Variants in LBP observed in about 807,000 individuals in gnomAD.
LBP encodes the protein lipopolysaccharide binding protein, also known as lipopolysaccharide-binding protein.
A neutral mutation model predicts 56.6 loss-of-function variants in LBP; 53 were observed. The ratio of observed to expected loss-of-function variants is 0.94; its 90% confidence interval spans 0.75 to 1.18. LBP has a LOEUF of 1.18. LBP is among the 50% of genes most tolerant of loss of function. The pLI is 0.00. For missense variants in LBP, 601 were observed against 598.3 expected, an observed-to-expected ratio of 1.00 and a Z score of -0.05; for synonymous variants, 227 against 247.5, an observed-to-expected ratio of 0.92 and a Z score of 0.78.
Position 38,369,089 on chromosome 20 carries a change from A to G in LBP, c.1076A>G (p.Asp359Gly). 1 of 1,613,922 alleles carries G rather than the reference A, an allele frequency of 6.2e-7. No homozygotes were observed. The highest frequency in any genetic ancestry group is 8.5e-7 in the Non-Finnish European group (1 of 1,179,956). Residue 359 changes from aspartate (D) to glycine (G), a missense_variant, in exon 10 of 15, where the codon GAC becomes GGC. Physicochemically the swap from Asp to Gly is moderately conservative, Grantham distance 94. Transcript: ENST00000217407. ...TTCAGCCCTGGGAATCTGTCTGTGG[A>G]CCCCTATATGGAGATAGATGCCTTT... is the stretch of plus-strand genomic sequence containing the variant. Reference protein sequence around the residue: ...LNFSPGNLSVDPYMEIDAFVL... With the variant: ...LNFSPGNLSVGPYMEIDAFVL...
At chr20:38,351,054 G>T in intron 3 of LBP, 115 bp downstream of exon 3, 1 of 1,382,924 alleles carries the variant, frequency 7.2e-7, no homozygotes, top group East Asian at 2.3e-5. Flanking sequence ...GACAGATGGA[G>T]TCCAAGCCCG....
At chr20:38,364,951 A>G (rs1027159683) in intron 8 of LBP, among the ~76,000 whole-genome samples, 199 bp downstream of exon 8, 1 of 152,124 alleles carries the variant, frequency 6.6e-6, no homozygotes, top group Admixed American at 6.6e-5. Context: ...TCTTTCTCCC[A>G]TGGCTGGGTG....
Position 38,373,952 on chromosome 20 carries a change from G to A in LBP, c.1340G>A (p.Gly447Asp), listed in dbSNP as rs901990618. 4 of 1,614,034 alleles carry A rather than the reference G, an allele frequency of 2.5e-6. No homozygotes were observed. The highest frequency in any genetic ancestry group is 2.2e-5 in the South Asian group (2 of 91,080). Residue 447 changes from glycine to aspartate, a missense_variant, in exon 14 of 15, where the codon GGC (glycine) becomes GAC (aspartate). Coordinates refer to ENST00000217407, the MANE Select transcript of LBP (RefSeq NM_004139.5). ...CAACCTCTAGATAAGTTGGCCGAAG[G>A]CTTCCCCCTTCCTCTGCTGAAGCGT... ...YPKFNDKLAE[G>D]FPLPLLKRVQ...
chr20:38,358,638 G>C (rs1443236053), intron 5 of LBP, among the ~76,000 whole-genome samples: 1 of 152,208 alleles, frequency 6.6e-6, no homozygotes, highest in Admixed American at 6.5e-5. Flanking sequence ...GCAAAGAGAG[G>C]TTAAGATACA....
chr20:38,366,962 G>A, intron 9 of LBP, 134 bp downstream of exon 9: 1 of 796,036 alleles, frequency 1.3e-6, no homozygotes, highest in South Asian at 1.5e-5. Flanking sequence ...TGAAGGCTGG[G>A]GTGCTGCTCC....
intron 6 of LBP, among the ~76,000 whole-genome samples, chr20:38,362,405 G>A (rs990977133): frequency 2.3e-4 from 34 of 146,308 alleles, no homozygotes; most frequent in Non-Finnish European, 4.5e-4. Context: ...CTGAGGTCAG[G>A]AGTTCGAGAC....
chr20:38,355,024 G>T (rs2076833734), intron 4 of LBP, among the ~76,000 whole-genome samples: 1 of 152,212 alleles, frequency 6.6e-6, no homozygotes, highest in East Asian at 1.9e-4. Context: ...AGAGGTTGCA[G>T]TGAGCTGAGA....
At position 38,373,139 on chromosome 20, in the gene LBP, A is replaced by G. The variant is rs780782555; in HGVS notation, c.1324+4A>G. ...ACCTTCTACCCCAAGTTCAATGGTAAGAATCACTGTGGATTTTTCCAAGTC... is the reference window on the plus strand; with the variant it reads ...ACCTTCTACCCCAAGTTCAATGGTAGGAATCACTGTGGATTTTTCCAAGTC... On this transcript the variant is annotated splice_donor_region_variant and intron_variant, in intron 13 of 14. Coordinates refer to ENST00000217407, the MANE Select transcript of LBP (RefSeq NM_004139.5). The G allele has an allele frequency of 1.2e-5, 20 of 1,612,264 alleles. No individual in the cohort carries two copies. In the South Asian group the frequency reaches 2.0e-4, roughly 16 times the overall value.
intron 8 of LBP, among the ~76,000 whole-genome samples, chr20:38,366,168 G>A (rs186187022): frequency 1.8e-4 from 27 of 152,212 alleles, no homozygotes; most frequent in Admixed American, 4.6e-4. Context: ...CGGCTCAGAC[G>A]GTCCAGCTTA....
At chr20:38,366,194 G>A (rs151112142) in intron 8 of LBP, among the ~76,000 whole-genome samples, 35 of 152,296 alleles carry the variant, frequency 2.3e-4, no homozygotes, top group African/African-American at 7.7e-4. Context: ...GTATAAGTCA[G>A]GGGCCGTCTG....
Position 38,376,740 on chromosome 20 carries a change from T to C in LBP, c.*71T>C. The C allele has an allele frequency of 7.0e-7, 1 of 1,425,898 alleles. No individual in the cohort carries two copies. Among genetic ancestry groups the C allele is most frequent in the Non-Finnish European group, 9.9e-7 (1 of 1,010,650 alleles). The allele number at this position is 1,425,898 out of a possible 1,614,324, so 88.3% of individuals were successfully genotyped here. On this transcript the variant is annotated 3_prime_UTR_variant, in exon 15 of 15. Coordinates refer to ENST00000217407, the MANE Select transcript of LBP (RefSeq NM_004139.5). ...TGCATTTCCAGCTGTGCAGCACGTC[T>C]CAGAGATTCTTGAAGAATGAAGACA...
At chr20:38,366,613 C>G (rs976256815) in intron 8 of LBP, among the ~76,000 whole-genome samples, 156 bp from the exon 9 acceptor site, 1 of 152,186 alleles carries the variant, frequency 6.6e-6, no homozygotes. Flanking sequence ...ATGTGCTCTC[C>G]TTGGGTGAAT....
At chr20:38,362,804 C>T (rs2076865823) in intron 6 of LBP, among the ~76,000 whole-genome samples, 1 of 151,838 alleles carries the variant, frequency 6.6e-6, no homozygotes, top group African/African-American at 2.4e-5. Context: ...AAAAATTAGC[C>T]AGGCATAGTG....
At position 38,374,028 on chromosome 20, in the gene LBP, G is replaced by T. The variant is rs369218928; in HGVS notation, c.1401+15G>T. 5.2e-5 allele frequency: 84 copies of T among 1,613,266 alleles called. No individual in the cohort carries two copies. The highest frequency in any genetic ancestry group is 6.9e-5 in the Non-Finnish European group (81 of 1,179,348). On this transcript the variant is annotated intron_variant, in intron 14 of 14. Coordinates refer to ENST00000217407, the MANE Select transcript of LBP (RefSeq NM_004139.5). ...AGATCCATAAGGTCGGTGGGTTCAG[G>T]GGGGCTCTGAGGATGTGTGAGGGAG...
At chr20:38,357,684 C>T (rs917304468) in intron 5 of LBP, among the ~76,000 whole-genome samples, 3 of 152,142 alleles carry the variant, frequency 2.0e-5, no homozygotes, top group African/African-American at 7.2e-5. Flanking sequence ...AATGGCTACT[C>T]CACAGGCTAA....
intron 10 of LBP, 78 bp from the exon 11 acceptor site, chr20:38,370,660 G>A: frequency 7.7e-7 from 1 of 1,293,668 alleles, no homozygotes; most frequent in Non-Finnish European, 1.1e-6. Flanking sequence ...AGAGGAGACA[G>A]TTGGTCCCTC....
chr20:38,370,498 G>A (rs931555424), intron 10 of LBP, among the ~76,000 whole-genome samples: 1 of 152,198 alleles, frequency 6.6e-6, no homozygotes, highest in Non-Finnish European at 1.5e-5. Flanking sequence ...TTAGTAGTCT[G>A]TTCAAAGTTT....
chr20:38,376,539 A>T, intron 14 of LBP, 86 bp from the exon 15 acceptor site: 1 of 1,225,758 alleles, frequency 8.2e-7, no homozygotes, highest in Non-Finnish European at 1.2e-6. Flanking sequence ...GTGTTTCGTG[A>T]GACGTGGGCT....
rs369712126 is a variant in LBP, at chr20:38,376,657, C to A, written c.1434C>A (p.Tyr478Ter). The A allele has an allele frequency of 1.7e-5, 28 of 1,613,856 alleles. No homozygotes were observed. The African/African-American group carries it at 3.3e-4, about 19-fold the overall frequency. ...TGTTCTTGGGTGCCAATGTCCAATACATGAGAGTTTGAGGACAAGAAAGAT... is the reference window on the plus strand; with the variant it reads ...TGTTCTTGGGTGCCAATGTCCAATAAATGAGAGTTTGAGGACAAGAAAGAT... ...DFLFLGANVQ[Y>*]MRV Residue 478 changes from tyrosine (Y) to a stop codon, truncating the protein, a stop_gained, in exon 15 of 15, where the codon TAC (tyrosine) becomes TAA (stop). Transcript: ENST00000217407. LOFTEE classifies it high-confidence loss of function.
Sources: allele counts gnomAD v4.1 joint callset (sites outside exome capture counted in the v4.1 genomes callset), GRCh38; gene constraint gnomAD v4.1.1; transcripts MANE v1.5; gene names NCBI Gene and HGNC (gene_info 2026-07-23, HGNC 2026-07-21).